The following BRCA1 variants were observed in gnomAD, a reference collection of about 807,000 sequenced individuals.
The protein encoded by BRCA1 is breast cancer type 1 susceptibility protein.
BRCA1 carries 140 observed loss-of-function variants against 173.7 expected under a neutral mutation model. That is an observed-to-expected ratio of 0.81 (90% CI 0.70 to 0.93). The LOEUF (loss-of-function observed/expected upper bound fraction) is 0.93. Among genes scored for constraint, BRCA1 ranks in the 40% least tolerant of loss-of-function variants. BRCA1 has a pLI of 0.00. For synonymous variants in BRCA1, 662 were observed against 756.0 expected, an observed-to-expected ratio of 0.88 and a Z score of 2.04; for missense variants, 1,983 against 2,172.5, an observed-to-expected ratio of 0.91 and a Z score of 1.73.
In BRCA1 at chr17:43,104,973, T is replaced by C. The variant is rs2154552811; in HGVS notation, c.213-17A>G. The C allele has an allele frequency of 6.3e-7, 1 of 1,593,878 alleles. No homozygotes were observed. The highest frequency in any genetic ancestry group is 8.6e-7 in the Non-Finnish European group (1 of 1,162,182). On this transcript the variant is annotated splice_polypyrimidine_tract_variant and intron_variant, in intron 4 of 22. Transcript: ENST00000357654. ...TGTAGGCTCCTGAAATTAAATTGTTTGAGAAACACACTCAGCAAGTGATTA... is the reference window on the plus strand; with the variant it reads ...TGTAGGCTCCTGAAATTAAATTGTTCGAGAAACACACTCAGCAAGTGATTA...
chr17:43,045,704 G>T lies in BRCA1; in HGVS notation c.5566C>A (p.Pro1856Thr), dbSNP rs80357274. Reference protein sequence around the residue: ...QCQELDTYLIPQIPHSHY With the variant: ...QCQELDTYLITQIPHSHY ...CAGTAGTGGCTGTGGGGGATCTGGG[G>T]TATCAGGTAGGTGTCCAGCTCCTGG... The change falls in exon 23 of 23, where the codon CCC becomes ACC. Residue 1856 changes from proline to threonine, a missense_variant. Transcript: ENST00000357654. 3 of 1,613,814 alleles carry T rather than the reference G, an allele frequency of 1.9e-6. No individual in the cohort carries two copies. The highest frequency in any genetic ancestry group is 4.5e-5 in the East Asian group (2 of 44,866).
chr17:43,160,269 A>C (rs2056227069), intron 1 of BRCA1: 1 of 151,760 alleles, frequency 6.6e-6, no homozygotes, highest in African/African-American at 2.4e-5. Flanking sequence ...GCTGCAGACA[A>C]AACTCCTCAG....
chr17:43,125,223 C>T (rs1474438175), intron 1 of BRCA1, 48 bp downstream of exon 1: 1 of 456,024 alleles, frequency 2.2e-6, no homozygotes, highest in Non-Finnish European at 4.4e-6. Flanking sequence ...ACGCCAGTAC[C>T]CCAGAGCATC....
Position 43,076,558 on chromosome 17 carries a change from G to C in BRCA1, c.4414C>G (p.Leu1472Val), listed in dbSNP as rs200582930. 1 of 1,613,714 alleles carries C rather than the reference G, an allele frequency of 6.2e-7. No individual in the cohort carries two copies. The highest frequency in any genetic ancestry group is 8.5e-7 in the Non-Finnish European group (1 of 1,179,784). ...EYPISQNPEGLSADKFEVSAD... is the reference protein window; with the variant it reads ...EYPISQNPEGVSADKFEVSAD... ...GACACCTCAAACTTGTCAGCAGAAA[G>C]GCCTTCTGGATTCTGGCTTATAGGG... Residue 1472 changes from leucine to valine, a missense_variant, in exon 13 of 23, where the codon CTT becomes GTT. Physicochemically the swap from Leu to Val is conservative, Grantham distance 32 (BLOSUM62 1). Transcript: ENST00000357654.
chr17:43,093,060 T>C lies in BRCA1; in HGVS notation c.2471A>G (p.Asn824Ser), dbSNP rs1485586275. The change falls in exon 10 of 23, where the codon AAT (asparagine) becomes AGT (serine). Residue 824 changes from asparagine to serine, a missense_variant. By Grantham distance (46) the Asn-to-Ser change is conservative. Transcript: ENST00000357654. ...LIHGCSKDNRNDTEGFKYPLG... is the reference protein window; with the variant it reads ...LIHGCSKDNRSDTEGFKYPLG... ...TGGATACTTAAAGCCTTCTGTGTCATTTCTATTATCTTTGGAACAACCATG... is the reference window on the plus strand; with the variant it reads ...TGGATACTTAAAGCCTTCTGTGTCACTTCTATTATCTTTGGAACAACCATG... 1.9e-6 allele frequency: 3 copies of C among 1,613,868 alleles called. No homozygotes were observed. Among genetic ancestry groups the C allele is most frequent in the Non-Finnish European group, 2.5e-6 (3 of 1,179,994 alleles).
At chr17:43,132,047 G>GT (rs1567827399) in intron 1 of BRCA1, among the ~76,000 whole-genome samples, 1 of 152,160 alleles carries the variant, frequency 6.6e-6, no homozygotes, top group African/African-American at 2.4e-5. Context: ...GCCTCCCAAA[G>GT]TTATGGGATT....
At chr17:43,104,844 A>G (rs767849754) in intron 5 of BRCA1, 24 bp downstream of exon 5, 14 of 1,596,410 alleles carry the variant, frequency 8.8e-6, no homozygotes, top group South Asian at 1.1e-5. Flanking sequence ...CTTGAGTGTC[A>G]TTCTTGGGAT....
intron 19 of BRCA1, among the ~76,000 whole-genome samples, chr17:43,055,258 G>C (rs770377022): frequency 5.9e-5 from 9 of 152,212 alleles, no homozygotes; most frequent in Middle Eastern, 3.2e-3. Context: ...GAGTCTTCTT[G>C]GGTCTCATCT....
Position 43,125,260 on chromosome 17 carries a change from G to A in BRCA1, c.-20+11C>T, listed in dbSNP as rs273898672. On this transcript the variant is annotated intron_variant, in intron 1 of 22. Coordinates refer to ENST00000357654, the MANE Select transcript of BRCA1 (RefSeq NM_007294.4). ...CTTGGGCCCCCTGTCCCTTTCCCGGGACTCTACTACCTTTACCCAGAGCAG... is the reference window on the plus strand; with the variant it reads ...CTTGGGCCCCCTGTCCCTTTCCCGGAACTCTACTACCTTTACCCAGAGCAG... 5.3e-4 allele frequency: 240 copies of A among 456,182 alleles called. No homozygotes were observed. The highest frequency in any genetic ancestry group is 9.0e-4 in the Non-Finnish European group (205 of 226,954). The allele number at this position is 456,182 out of a possible 1,614,324, so 28.3% of individuals were successfully genotyped here.
At chr17:43,048,677 GCTA>G (rs1444772653) in intron 21 of BRCA1, among the ~76,000 whole-genome samples, 3 of 142,950 alleles carry the variant, frequency 2.1e-5, no homozygotes. Context: ...ACCAGGCCTG[GCTA>G]CTTTTTGTTT....
At chr17:43,150,403 GT>G (rs1157287261) in intron 1 of BRCA1, among the ~76,000 whole-genome samples, 7 of 152,104 alleles carry the variant, frequency 4.6e-5, no homozygotes, top group Admixed American at 4.6e-4. Flanking sequence ...CCCAGCCTCA[GT>G]TTCTTTTATG....
intron 19 of BRCA1, among the ~76,000 whole-genome samples, chr17:43,052,779 A>AC (rs2051297967): frequency 9.0e-6 from 1 of 111,294 alleles, no homozygotes; most frequent in Non-Finnish European, 1.9e-5. Context: ...AGACGGACAG[A>AC]AACACACACA....
At chr17:43,160,832 C>G (rs966288648) in intron 1 of BRCA1, 1 of 152,060 alleles carries the variant, frequency 6.6e-6, no homozygotes, top group Non-Finnish European at 1.5e-5. Flanking sequence ...TGTGCTGATG[C>G]ATTTTGGTAT....
At chr17:43,142,324 T>C (rs776019384) in intron 1 of BRCA1, 1 of 152,276 alleles carries the variant, frequency 6.6e-6, no homozygotes, top group Non-Finnish European at 1.5e-5. Flanking sequence ...TTAAAGTGCT[T>C]AGCACTGTAC....
intron 6 of BRCA1, among the ~76,000 whole-genome samples, chr17:43,101,023 G>A (rs1756818790): frequency 6.6e-6 from 1 of 151,554 alleles, no homozygotes; most frequent in African/African-American, 2.4e-5. Flanking sequence ...GAGCCACCGT[G>A]CCTGGCCAAT....
intron 20 of BRCA1, chr17:43,050,191 C>T: frequency 2.5e-6 from 1 of 398,384 alleles, no homozygotes; most frequent in Non-Finnish European, 4.4e-6. Flanking sequence ...GTAGCTTTTG[C>T]TGTGAAAAGA....
chr17:43,075,047 GGGAAA>G (rs1211237475), intron 13 of BRCA1, among the ~76,000 whole-genome samples: 5 of 142,902 alleles, frequency 3.5e-5, no homozygotes, highest in East Asian at 2.1e-4. Context: ...AAGGAAGGGA[GGGAAA>G]GGAAAGGAAA....
chr17:43,049,759 G>A (rs1435716041), intron 20 of BRCA1, among the ~76,000 whole-genome samples: 1 of 152,200 alleles, frequency 6.6e-6, no homozygotes, highest in African/African-American at 2.4e-5. Context: ...AAAATCAGAA[G>A]AGACTGTGGA....
intron 20 of BRCA1, 92 bp from the exon 21 acceptor site, chr17:43,049,286 G>T: frequency 9.1e-7 from 1 of 1,102,980 alleles, no homozygotes; most frequent in Non-Finnish European, 1.4e-6. Flanking sequence ...AAGGCTTATA[G>T]CAAGACCTCT....
Sources: allele counts gnomAD v4.1 joint callset (sites outside exome capture counted in the v4.1 genomes callset), GRCh38; gene constraint gnomAD v4.1.1; transcripts MANE v1.5; gene names NCBI Gene and HGNC (gene_info 2026-07-23, HGNC 2026-07-21).